XYLT1: variants seen among roughly 807,000 people sequenced by gnomAD.
The protein encoded by XYLT1 is xylosyltransferase 1.
In XYLT1, 36 loss-of-function variants were observed where a neutral mutation model predicts 91.3. That is an observed-to-expected ratio of 0.39 (90% CI 0.30 to 0.52). The LOEUF is 0.52. XYLT1 is among the 20% of genes least tolerant of loss of function. The pLI is 0.68. For missense variants in XYLT1, 1,242 were observed against 1,284.5 expected (o/e 0.97, Z 0.51); for synonymous variants, 588 against 532.0 (o/e 1.11, Z -1.45).
At chr16:17,144,089 C>A (rs1468964112) in intron 6 of XYLT1, among the ~76,000 whole-genome samples, 1 of 152,202 alleles carries the variant, frequency 6.6e-6, no homozygotes, top group Non-Finnish European at 1.5e-5. Flanking sequence ...GGTGTATGAA[C>A]TCAGCAACTT....
intron 3 of XYLT1, among the ~76,000 whole-genome samples, chr16:17,213,059 T>C (rs1597196362): frequency 6.6e-6 from 1 of 152,360 alleles, no homozygotes; most frequent in African/African-American, 2.4e-5. Flanking sequence ...TCATGTTGAA[T>C]GGTAACCCAC....
chr16:17,455,220 G>A (rs1294233423), intron 1 of XYLT1, among the ~76,000 whole-genome samples: 2 of 152,024 alleles, frequency 1.3e-5, no homozygotes, highest in Admixed American at 6.5e-5. Context: ...CTCTGAATTC[G>A]GGTGCTGGTT....
At chr16:17,127,971 T>C in intron 9 of XYLT1, 110 bp from the exon 10 acceptor site, 2 of 954,620 alleles carry the variant, frequency 2.1e-6, no homozygotes, top group East Asian at 2.5e-5. Context: ...TTGTGCACAA[T>C]GCCTACTGTT....
chr16:17,202,197 G>A (rs1286538921), intron 3 of XYLT1, among the ~76,000 whole-genome samples: 3 of 152,168 alleles, frequency 2.0e-5, no homozygotes. Flanking sequence ...GGGTTTATGG[G>A]ACCCAGGACA....
At chr16:17,232,682 A>G (rs2033184644) in intron 3 of XYLT1, among the ~76,000 whole-genome samples, 1 of 151,364 alleles carries the variant, frequency 6.6e-6, no homozygotes, top group Admixed American at 6.6e-5. Context: ...GGTGAAAGAG[A>G]TAATAAGGTG....
chr16:17,189,437 C>A (rs1030524898), intron 5 of XYLT1, among the ~76,000 whole-genome samples: 37 of 152,318 alleles, frequency 2.4e-4, no homozygotes, highest in Middle Eastern at 3.4e-3. Context: ...TCCTCCAGCA[C>A]CACTGCTGGG....
At chr16:17,341,955 A>G (rs1416663212) in intron 2 of XYLT1, among the ~76,000 whole-genome samples, 1 of 152,010 alleles carries the variant, frequency 6.6e-6, no homozygotes, top group Non-Finnish European at 1.5e-5. Context: ...CCCCTCACCC[A>G]TCTCCCTGTT....
intron 1 of XYLT1, among the ~76,000 whole-genome samples, chr16:17,397,828 T>C (rs1266469565): frequency 2.5e-5 from 1 of 40,164 alleles, no homozygotes; most frequent in Non-Finnish European, 5.0e-5. Flanking sequence ...TGAATAGCTC[T>C]TTTTTTTTTT....
chr16:17,436,600 T>C (rs1055744133), intron 1 of XYLT1, among the ~76,000 whole-genome samples: 17 of 152,200 alleles, frequency 1.1e-4, no homozygotes, highest in African/African-American at 3.9e-4. Flanking sequence ...GGTCATTCTA[T>C]AAAAATGGAA....
At chr16:17,470,388 TTCC>T (rs2036969462) in intron 1 of XYLT1, 43 bp downstream of exon 1, 1 of 1,214,576 alleles carries the variant, frequency 8.2e-7, no homozygotes, top group East Asian at 3.3e-5. Context: ...TCGGGCTGCC[TTCC>T]TCCCTCCCTC....
intron 4 of XYLT1, 52 bp downstream of exon 4, chr16:17,200,430 C>A: frequency 6.3e-7 from 1 of 1,585,552 alleles, no homozygotes; most frequent in Non-Finnish European, 8.6e-7. Flanking sequence ...CAGGGAGGGA[C>A]GGACAGACCC....
chr16:17,337,413 G>T (rs974412456), intron 2 of XYLT1, among the ~76,000 whole-genome samples: 1 of 152,136 alleles, frequency 6.6e-6, no homozygotes, highest in African/African-American at 2.4e-5. Context: ...TCAAACTCTA[G>T]GGCTCAAGCG....
chr16:17,163,053 T>C (rs1331673832), intron 5 of XYLT1, among the ~76,000 whole-genome samples: 1 of 152,232 alleles, frequency 6.6e-6, no homozygotes, highest in Non-Finnish European at 1.5e-5. Flanking sequence ...ATTATTACCA[T>C]CTTGAACATC....
intron 1 of XYLT1, among the ~76,000 whole-genome samples, chr16:17,396,890 A>C (rs1302575573): frequency 6.6e-6 from 1 of 152,166 alleles, no homozygotes; most frequent in Non-Finnish European, 1.5e-5. Flanking sequence ...ATCTAACTAG[A>C]GTATCAGGAA....
At chr16:17,177,196 C>T (rs2031965198) in intron 5 of XYLT1, among the ~76,000 whole-genome samples, 1 of 152,136 alleles carries the variant, frequency 6.6e-6, no homozygotes, top group Non-Finnish European at 1.5e-5. Flanking sequence ...TCTTTCAACT[C>T]TCAGGAAACC....
chr16:17,146,930 GC>G (rs2031148901), intron 6 of XYLT1, among the ~76,000 whole-genome samples: 1 of 152,160 alleles, frequency 6.6e-6, no homozygotes, highest in Non-Finnish European at 1.5e-5. Context: ...CTTTCCACAT[GC>G]AAAATCTGAG....
At chr16:17,292,817 G>A (rs1173383585) in intron 2 of XYLT1, among the ~76,000 whole-genome samples, 1 of 152,176 alleles carries the variant, frequency 6.6e-6, no homozygotes, top group Non-Finnish European at 1.5e-5. Context: ...GGAATACAGA[G>A]GCCACTTCCT....
At chr16:17,206,665 G>A (rs1210102493) in intron 3 of XYLT1, among the ~76,000 whole-genome samples, 5 of 152,238 alleles carry the variant, frequency 3.3e-5, no homozygotes, top group Non-Finnish European at 5.9e-5. Context: ...GAGTCCAGGA[G>A]TTCGAGGCTG....
intron 10 of XYLT1, among the ~76,000 whole-genome samples, chr16:17,123,665 G>A (rs2030152902): frequency 6.6e-6 from 1 of 152,176 alleles, no homozygotes. Context: ...TGGGTAAAAT[G>A]TTCTGTAAGT....
Sources: gnomAD v4.1 joint callset for allele counts (sites outside exome capture counted in the v4.1 genomes callset) on GRCh38, gnomAD v4.1.1 for gene constraint, MANE v1.5 for transcripts, NCBI Gene and HGNC (gene_info 2026-07-23, HGNC 2026-07-21) for gene names.